The following NKAIN3 variants were observed in gnomAD, a reference collection of about 807,000 sequenced individuals.
NKAIN3 encodes sodium/potassium-transporting ATPase subunit beta-1-interacting protein 3.
In NKAIN3, 25 loss-of-function variants were observed where a neutral mutation model predicts 30.2. The ratio of observed to expected loss-of-function variants is 0.83; its 90% CI spans 0.60 to 1.16. The LOEUF (loss-of-function observed/expected upper bound fraction) is 1.16, where lower values mean the gene tolerates loss of function less well. Among genes scored for constraint, NKAIN3 ranks in the 50% most tolerant of loss-of-function variants. The pLI is 0.00. For synonymous variants in NKAIN3, 91 were observed against 89.6 expected (o/e 1.02, Z -0.09); for missense variants, 225 against 254.1 (o/e 0.89, Z 0.78).
intron 1 of NKAIN3, among the ~76,000 whole-genome samples, chr8:62,503,698 G>A (rs984071555): frequency 1.3e-5 from 2 of 152,024 alleles, no homozygotes; most frequent in Non-Finnish European, 2.9e-5. Context: ...AGAATTTAGT[G>A]ATATCTCTTC....
intron 4 of NKAIN3, among the ~76,000 whole-genome samples, chr8:62,751,542 T>C (rs1343004279): frequency 6.6e-6 from 1 of 152,194 alleles, no homozygotes; most frequent in Admixed American, 6.5e-5. Flanking sequence ...ACGTATGATA[T>C]GCACTCTTCT....
chr8:62,979,903 T>G lies in NKAIN3; in HGVS notation c.*14496T>G, dbSNP rs1824036028. 6.6e-6 allele frequency: 1 copy of G among 152,266 alleles called. No homozygotes were observed. Among genetic ancestry groups the G allele is most frequent in the Non-Finnish European group, 1.5e-5 (1 of 68,070 alleles). The allele number at this position is 152,266 out of a possible 1,614,324, so 9.4% of individuals were successfully genotyped here. A position where few individuals can be genotyped will look rare whatever the true frequency, so the allele number is the denominator to read the frequency against. On this transcript the variant is annotated 3_prime_UTR_variant, in exon 7 of 7. Coordinates refer to ENST00000623646, the MANE Select transcript of NKAIN3 (RefSeq NM_001304533.3). ...AGACACCTGCTATTGGCTTACCTGC[T>G]CCTCGCCTTCCCTCTGCTTGGGTCT... is the stretch of plus-strand genomic sequence containing the variant.
intron 3 of NKAIN3, among the ~76,000 whole-genome samples, chr8:62,709,674 T>C (rs1474307579): frequency 6.6e-6 from 1 of 152,140 alleles, no homozygotes; most frequent in Non-Finnish European, 1.5e-5. Flanking sequence ...AGAACCAACA[T>C]TTTGTTTCAT....
intron 4 of NKAIN3, among the ~76,000 whole-genome samples, chr8:62,854,324 G>T (rs992943509): frequency 6.6e-6 from 1 of 152,180 alleles, no homozygotes; most frequent in Non-Finnish European, 1.5e-5. Flanking sequence ...CTATTATTGT[G>T]TGGGAGTCTA....
At chr8:62,380,470 G>T (rs769152144) in intron 1 of NKAIN3, among the ~76,000 whole-genome samples, 3 of 152,146 alleles carry the variant, frequency 2.0e-5, no homozygotes, top group Non-Finnish European at 4.4e-5. Flanking sequence ...AGATAATCCA[G>T]CAGGTGCATG....
chr8:62,635,281 A>G (rs546496279), intron 3 of NKAIN3, among the ~76,000 whole-genome samples: 1 of 152,302 alleles, frequency 6.6e-6, no homozygotes, highest in East Asian at 1.9e-4. Context: ...CTCAATCATT[A>G]TTTTACTCTG....
chr8:62,260,453 A>G (rs1483543850), intron 1 of NKAIN3, among the ~76,000 whole-genome samples: 2 of 152,228 alleles, frequency 1.3e-5, no homozygotes, highest in Admixed American at 6.5e-5. Context: ...ATAGTTTATG[A>G]AAAGTAACAT....
At chr8:62,802,712 A>G (rs971854413) in intron 4 of NKAIN3, among the ~76,000 whole-genome samples, 4 of 152,180 alleles carry the variant, frequency 2.6e-5, no homozygotes, top group Admixed American at 2.6e-4. Context: ...TCAATTAATG[A>G]GCAAAATAAC....
At chr8:62,470,858 A>G (rs183839982) in intron 1 of NKAIN3, among the ~76,000 whole-genome samples, 474 of 152,218 alleles carry the variant, frequency 3.1e-3, no homozygotes, top group African/African-American at 0.011. Flanking sequence ...CTTAGGTTCT[A>G]TAAATATGTG....
intron 3 of NKAIN3, among the ~76,000 whole-genome samples, chr8:62,619,948 T>C (rs1811573594): frequency 6.6e-6 from 1 of 152,184 alleles, no homozygotes; most frequent in Admixed American, 6.5e-5. Flanking sequence ...TTCCTTCTAC[T>C]CATCTTAGGT....
chr8:62,549,969 T>C (rs1809144674), intron 1 of NKAIN3, among the ~76,000 whole-genome samples: 2 of 149,630 alleles, frequency 1.3e-5, no homozygotes, highest in South Asian at 4.4e-4. Context: ...TAGCTATTTG[T>C]ATGTTTATTC....
intron 1 of NKAIN3, among the ~76,000 whole-genome samples, chr8:62,477,798 G>C (rs1217938324): frequency 6.6e-6 from 1 of 152,124 alleles, no homozygotes; most frequent in Non-Finnish European, 1.5e-5. Flanking sequence ...GGGATAAGAG[G>C]ATTGACATTC....
intron 4 of NKAIN3, among the ~76,000 whole-genome samples, chr8:62,877,861 A>T (rs1160109858): frequency 6.6e-6 from 1 of 152,012 alleles, no homozygotes; most frequent in African/African-American, 2.4e-5. Context: ...ACCAACATGA[A>T]GAAACCCTGT....
chr8:62,412,275 C>A (rs1003232752), intron 1 of NKAIN3, among the ~76,000 whole-genome samples: 2 of 151,698 alleles, frequency 1.3e-5, no homozygotes, highest in African/African-American at 4.8e-5. Context: ...ACATTTACAA[C>A]CATCTGATCT....
chr8:62,493,970 A>G (rs1387069991), intron 1 of NKAIN3, among the ~76,000 whole-genome samples: 1 of 152,152 alleles, frequency 6.6e-6, no homozygotes, highest in Admixed American at 6.6e-5. Context: ...GTCTGCCAAC[A>G]GGATAATTTG....
At chr8:62,419,513 G>A (rs1222608576) in intron 1 of NKAIN3, among the ~76,000 whole-genome samples, 1 of 152,170 alleles carries the variant, frequency 6.6e-6, no homozygotes, top group East Asian at 1.9e-4. Context: ...ATGGCCAGAT[G>A]GTATTCTCAA....
At position 62,529,104 on chromosome 8, in the gene NKAIN3, C is replaced by G. The variant is rs1202552733; in HGVS notation, c.55-50435C>G. On this transcript the variant is annotated intron_variant, in intron 1 of 6. Transcript: ENST00000623646. The stretch of plus-strand genomic sequence containing the variant: ...TAGCAGATGAGGTATAGGTACAGAA[C>G]ACACTCGCATGGGCATATCTAGAGC... Among the ~76,000 whole-genome samples the G allele has an allele frequency of 2.0e-5, 3 of 152,114 alleles. No homozygotes were observed. In the East Asian group the frequency reaches 5.8e-4, roughly 29 times the overall value.
chr8:62,634,973 A>T (rs1225273271), intron 3 of NKAIN3, among the ~76,000 whole-genome samples: 1 of 152,078 alleles, frequency 6.6e-6, no homozygotes, highest in African/African-American at 2.4e-5. Context: ...AGAGAAGGAA[A>T]AGATAAAAGC....
intron 3 of NKAIN3, among the ~76,000 whole-genome samples, chr8:62,606,965 T>A (rs904603220): frequency 6.6e-6 from 1 of 152,174 alleles, no homozygotes; most frequent in African/African-American, 2.4e-5. Flanking sequence ...ATATTAATTT[T>A]GGTTCAGTAT....
Sources: gnomAD v4.1 joint callset for allele counts (sites outside exome capture counted in the v4.1 genomes callset) on GRCh38, gnomAD v4.1.1 for gene constraint, MANE v1.5 for transcripts, NCBI Gene and HGNC (gene_info 2026-07-23, HGNC 2026-07-21) for gene names.